The following TCERG1L variants were observed in gnomAD, a reference collection of about 807,000 sequenced individuals.
The protein encoded by TCERG1L is transcription elongation regulator 1-like protein.
Under a neutral mutation model 56.3 loss-of-function variants are expected in TCERG1L, and 37 were observed. The observed-to-expected ratio is 0.66, with a 90% CI of 0.51 to 0.87. TCERG1L has a LOEUF of 0.87. TCERG1L is among the 40% of genes least tolerant of loss of function. The pLI is 0.00. For missense variants in TCERG1L, 799 were observed against 774.2 expected, an observed-to-expected ratio of 1.03 and a Z score of -0.38; for synonymous variants, 324 against 326.3, an observed-to-expected ratio of 0.99 and a Z score of 0.08.
At chr10:131,104,866 C>G (rs866208564) in intron 9 of TCERG1L, among the ~76,000 whole-genome samples, 1 of 152,154 alleles carries the variant, frequency 6.6e-6, no homozygotes, top group African/African-American at 2.4e-5. Flanking sequence ...AGAAAGTTAC[C>G]ATATACTCAT....
intron 5 of TCERG1L, among the ~76,000 whole-genome samples, chr10:131,164,852 G>A (rs1051343947): frequency 2.0e-5 from 3 of 152,204 alleles, no homozygotes; most frequent in Non-Finnish European, 4.4e-5. Flanking sequence ...TGAAGTCAAT[G>A]CTCCAAAGTC....
chr10:131,147,493 C>A (rs1347766201), intron 6 of TCERG1L, among the ~76,000 whole-genome samples: 1 of 152,200 alleles, frequency 6.6e-6, no homozygotes, highest in Admixed American at 6.5e-5. Flanking sequence ...CCAGCAAGGC[C>A]GGCCGGGGCT....
At chr10:131,306,179 A>C (rs890090269) in intron 3 of TCERG1L, among the ~76,000 whole-genome samples, 1 of 152,130 alleles carries the variant, frequency 6.6e-6, no homozygotes, top group Non-Finnish European at 1.5e-5. Context: ...GTAACACATA[A>C]ATAACCCCTT....
chr10:131,248,629 C>T (rs183969035), intron 4 of TCERG1L, among the ~76,000 whole-genome samples: 6 of 152,284 alleles, frequency 3.9e-5, no homozygotes, highest in Admixed American at 6.5e-5. Context: ...TAGCCTAGTT[C>T]GGGACAGGCA....
chr10:131,127,600 A>C (rs1335513520), intron 8 of TCERG1L, among the ~76,000 whole-genome samples: 2 of 152,182 alleles, frequency 1.3e-5, no homozygotes, highest in Admixed American at 6.5e-5. Context: ...CAACAGACAG[A>C]GATGCCAGGG....
intron 9 of TCERG1L, among the ~76,000 whole-genome samples, chr10:131,106,648 G>C (rs767245228): frequency 1.3e-5 from 2 of 152,164 alleles, no homozygotes; most frequent in Non-Finnish European, 2.9e-5. Context: ...CAGGAGAGAA[G>C]AAAATTCAGA....
chr10:131,140,752 C>T (rs117480629), intron 7 of TCERG1L, among the ~76,000 whole-genome samples: 7,000 of 152,240 alleles, frequency 0.046, 188 homozygotes, highest in Middle Eastern at 0.15. Context: ...CAAGGGCGGG[C>T]ACCAGGACGA....
chr10:131,257,614 C>T (rs1179446377), intron 4 of TCERG1L, among the ~76,000 whole-genome samples: 1 of 152,152 alleles, frequency 6.6e-6, no homozygotes, highest in African/African-American at 2.4e-5. Flanking sequence ...GGTTTCTCCA[C>T]AGAGCCACTA....
At chr10:131,169,372 C>G (rs112471829) in intron 4 of TCERG1L, among the ~76,000 whole-genome samples, 1,674 of 152,254 alleles carry the variant, frequency 0.011, 29 homozygotes, top group African/African-American at 0.038. Flanking sequence ...CTGACTGAGG[C>G]ACAAGGGGGC....
At chr10:131,198,588 C>A (rs1845392691) in intron 4 of TCERG1L, among the ~76,000 whole-genome samples, 1 of 152,382 alleles carries the variant, frequency 6.6e-6, no homozygotes. Context: ...AAGGCAGGTT[C>A]CTGGCTGCCC....
intron 3 of TCERG1L, among the ~76,000 whole-genome samples, chr10:131,301,848 C>T (rs866341460): frequency 2.6e-5 from 4 of 151,866 alleles, no homozygotes; most frequent in East Asian, 1.9e-4. Flanking sequence ...GATAAATATA[C>T]GCATAGTAAA....
At chr10:131,204,090 C>T (rs1845488634) in intron 4 of TCERG1L, among the ~76,000 whole-genome samples, 1 of 152,226 alleles carries the variant, frequency 6.6e-6, no homozygotes, top group Non-Finnish European at 1.5e-5. Context: ...CAGCTAGGCC[C>T]TCTTAGCCCT....
At chr10:131,100,947 A>G (rs1222453445) in intron 10 of TCERG1L, among the ~76,000 whole-genome samples, 2 of 152,156 alleles carry the variant, frequency 1.3e-5, no homozygotes, top group East Asian at 1.9e-4. Flanking sequence ...TGCACTGGCT[A>G]TGGCGTGGCC....
chr10:131,116,173 A>G (rs537974915), intron 9 of TCERG1L, among the ~76,000 whole-genome samples: 1 of 152,316 alleles, frequency 6.6e-6, no homozygotes, highest in East Asian at 1.9e-4. Context: ...TTGAAAGGAG[A>G]TCTGAATACA....
chr10:131,193,833 A>G (rs1564811618), intron 4 of TCERG1L, among the ~76,000 whole-genome samples: 3 of 152,072 alleles, frequency 2.0e-5, no homozygotes, highest in Admixed American at 2.0e-4. Flanking sequence ...CTCTTCTTTG[A>G]TTCCATGTGA....
chr10:131,220,879 C>T (rs751560922), intron 4 of TCERG1L, among the ~76,000 whole-genome samples: 13 of 152,194 alleles, frequency 8.5e-5, no homozygotes, highest in Non-Finnish European at 1.9e-4. Flanking sequence ...GCCATGCCCT[C>T]GTATGTGTGG....
chr10:131,181,126 T>C (rs1030414493), intron 4 of TCERG1L, among the ~76,000 whole-genome samples: 5 of 152,202 alleles, frequency 3.3e-5, no homozygotes, highest in Non-Finnish European at 7.3e-5. Flanking sequence ...CTCCCTGATC[T>C]ACGTGGTTGA....
chr10:131,308,163 T>A, intron 3 of TCERG1L, 48 bp downstream of exon 3: 1 of 1,518,124 alleles, frequency 6.6e-7, no homozygotes, highest in Admixed American at 2.3e-5. Flanking sequence ...TAATTTATGA[T>A]TGAAGCAAAA....
chr10:131,238,803 C>T (rs972172332), intron 4 of TCERG1L, among the ~76,000 whole-genome samples: 3 of 152,130 alleles, frequency 2.0e-5, no homozygotes, highest in Admixed American at 6.6e-5. Context: ...GAGGCTGGGC[C>T]GCAGCTTTGA....
Sources: allele counts gnomAD v4.1 joint callset (sites outside exome capture counted in the v4.1 genomes callset), GRCh38; gene constraint gnomAD v4.1.1; transcripts MANE v1.5; gene names NCBI Gene and HGNC (gene_info 2026-07-23, HGNC 2026-07-21).